The following COL11A1 variants were observed in gnomAD, a reference collection of about 807,000 sequenced individuals.
The protein encoded by COL11A1 is collagen type XI alpha 1 chain.
In COL11A1, 74 loss-of-function variants were observed where a neutral mutation model predicts 265.2. The ratio of observed to expected loss-of-function variants is 0.28; its 90% CI spans 0.23 to 0.34. COL11A1 has a LOEUF of 0.34. COL11A1 is among the 10% of genes least tolerant of loss of function. COL11A1 has a pLI of 1.00. For missense variants in COL11A1, 2,165 were observed against 2,263.6 expected, an observed-to-expected ratio of 0.96 and a Z score of 0.88; for synonymous variants, 816 against 727.6, an observed-to-expected ratio of 1.12 and a Z score of -1.96.
chr1:103,061,626 T>G (rs910006950), intron 4 of COL11A1, among the ~76,000 whole-genome samples: 1 of 151,850 alleles, frequency 6.6e-6, no homozygotes, highest in Non-Finnish European at 1.5e-5. Context: ...AACTAATACA[T>G]GGATTGAAGA....
At chr1:102,969,864 T>G (rs1388554775) in intron 37 of COL11A1, among the ~76,000 whole-genome samples, 1 of 152,094 alleles carries the variant, frequency 6.6e-6, no homozygotes, top group Admixed American at 6.5e-5. Flanking sequence ...GGAGAGATGA[T>G]GGGTTTGAGT....
chr1:102,898,100 A>T, intron 57 of COL11A1, 25 bp downstream of exon 57: 1 of 1,517,906 alleles, frequency 6.6e-7, no homozygotes, highest in Non-Finnish European at 9.0e-7. Context: ...CTCACTTTTT[A>T]AATGACTGAA....
chr1:102,899,838 G>C (rs923326423), intron 54 of COL11A1, among the ~76,000 whole-genome samples: 2 of 152,174 alleles, frequency 1.3e-5, no homozygotes, highest in East Asian at 1.9e-4. Flanking sequence ...GAGGGTGACT[G>C]TTCCTTTTCA....
intron 14 of COL11A1, among the ~76,000 whole-genome samples, chr1:103,008,748 C>T (rs1415305336): frequency 1.3e-5 from 2 of 152,162 alleles, no homozygotes; most frequent in African/African-American, 4.8e-5. Context: ...TTTTATGTAG[C>T]ACTACACAGA....
At chr1:102,967,037 G>A (rs905820733) in intron 37 of COL11A1, among the ~76,000 whole-genome samples, 2 of 151,846 alleles carry the variant, frequency 1.3e-5, no homozygotes, top group African/African-American at 4.8e-5. Flanking sequence ...TGCTTAATCA[G>A]TTATTTTATC....
At chr1:103,100,805 A>G (rs1270993895) in intron 1 of COL11A1, 5 of 151,922 alleles carry the variant, frequency 3.3e-5, no homozygotes, top group Non-Finnish European at 5.9e-5. Context: ...TGGGTCTACT[A>G]CTTACTAGCT....
At chr1:102,903,476 A>G (rs1653497704) in intron 54 of COL11A1, among the ~76,000 whole-genome samples, 2 of 152,166 alleles carry the variant, frequency 1.3e-5, no homozygotes, top group South Asian at 4.1e-4. Context: ...TATTGTTTCC[A>G]CAGTGGGAAA....
intron 1 of COL11A1, among the ~76,000 whole-genome samples, chr1:103,097,139 A>C (rs766891184): frequency 6.6e-6 from 1 of 152,014 alleles, no homozygotes; most frequent in Middle Eastern, 3.2e-3. Flanking sequence ...GGGACAACCT[A>C]GTTATGTGTT....
At chr1:102,933,502 A>C (rs1657764086) in intron 46 of COL11A1, among the ~76,000 whole-genome samples, 2 of 152,002 alleles carry the variant, frequency 1.3e-5, no homozygotes, top group South Asian at 4.2e-4. Context: ...AAAAGCTTTC[A>C]GACAGGGACA....
intron 1 of COL11A1, among the ~76,000 whole-genome samples, chr1:103,096,092 T>C (rs1259927945): frequency 1.3e-5 from 2 of 151,926 alleles, no homozygotes; most frequent in African/African-American, 4.8e-5. Context: ...AATCAACTTT[T>C]TTTTTTAGAC....
chr1:102,899,091 T>C, intron 54 of COL11A1, 97 bp from the exon 55 acceptor site: 1 of 592,626 alleles, frequency 1.7e-6, no homozygotes. Context: ...TTGTAACAGA[T>C]GAATAAATTG....
At chr1:102,920,432 T>A in intron 48 of COL11A1, 68 bp from the exon 49 acceptor site, 2 of 1,349,114 alleles carry the variant, frequency 1.5e-6, no homozygotes, top group Admixed American at 1.7e-5. Context: ...TAAACATATG[T>A]CTAGTTGTTC....
chr1:102,960,070 C>T (rs978328073), intron 41 of COL11A1, among the ~76,000 whole-genome samples: 1 of 152,140 alleles, frequency 6.6e-6, no homozygotes, highest in African/African-American at 2.4e-5. Flanking sequence ...GCTACTGTCA[C>T]TAACTTTTGA....
intron 4 of COL11A1, among the ~76,000 whole-genome samples, chr1:103,042,944 T>A (rs982980565): frequency 6.8e-6 from 1 of 147,724 alleles, no homozygotes; most frequent in African/African-American, 2.5e-5. Flanking sequence ...ATATATGAAA[T>A]ACATCATATA....
intron 28 of COL11A1, among the ~76,000 whole-genome samples, chr1:102,992,451 C>T (rs757386322): frequency 4.0e-5 from 6 of 151,846 alleles, no homozygotes; most frequent in Non-Finnish European, 5.9e-5. Context: ...CTTTGGTTAA[C>T]AATTAACATC....
chr1:103,053,403 G>A (rs1458314222), intron 4 of COL11A1, among the ~76,000 whole-genome samples: 1 of 152,146 alleles, frequency 6.6e-6, no homozygotes, highest in Non-Finnish European at 1.5e-5. Flanking sequence ...ACTGGCAACA[G>A]GATACCTTGA....
intron 57 of COL11A1, among the ~76,000 whole-genome samples, chr1:102,894,290 T>C (rs1652120235): frequency 6.6e-6 from 1 of 152,098 alleles, no homozygotes; most frequent in Non-Finnish European, 1.5e-5. Flanking sequence ...TCCCAGCACT[T>C]TGGGAGACAG....
intron 42 of COL11A1, among the ~76,000 whole-genome samples, chr1:102,945,686 T>C (rs575146822): frequency 6.6e-6 from 1 of 152,276 alleles, no homozygotes; most frequent in African/African-American, 2.4e-5. Context: ...ACAGTTTGTG[T>C]TTTAATCTTG....
In COL11A1 at chr1:102,979,088, G is replaced by T. The variant is rs1181587428; in HGVS notation, c.2627C>A (p.Pro876Gln). The change falls in exon 33 of 67, where the codon CCA becomes CAA. Residue 876 changes from proline (P) to glutamine (Q), a missense_variant. Pro to Gln is a moderately conservative substitution (Grantham distance 76, BLOSUM62 -1). Transcript: ENST00000370096. ...EKGARGVAGK[P>Q]GPRGQRGPTG... ...TGGACCACGCTGACCCCGAGGGCCT[G>T]GTTTGCCAGCTACTCCCTAGCAAAG... 1 of 1,614,122 alleles carries T rather than the reference G, an allele frequency of 6.2e-7. No individual in the cohort carries two copies. Among genetic ancestry groups the T allele is most frequent in the South Asian group, 1.1e-5 (1 of 91,086 alleles).
Sources: gnomAD v4.1 joint callset for allele counts (sites outside exome capture counted in the v4.1 genomes callset) on GRCh38, gnomAD v4.1.1 for gene constraint, MANE v1.5 for transcripts, NCBI Gene and HGNC (gene_info 2026-07-23, HGNC 2026-07-21) for gene names.